The following WDR20 variants were observed in gnomAD, a reference collection of about 807,000 sequenced individuals.
The protein encoded by WDR20 is WD repeat domain 20.
WDR20 carries 3 observed loss-of-function variants against 38.7 expected under a neutral mutation model. That is an observed-to-expected ratio of 0.08 (90% CI 0.04 to 0.20). The LOEUF is 0.20. WDR20 is among the 10% of genes least tolerant of loss of function. The pLI is 1.00. For missense variants in WDR20, 559 were observed against 727.7 expected (o/e 0.77, Z 2.67); for synonymous variants, 298 against 285.6 (o/e 1.04, Z -0.44).
chr14:102,173,847 A>G (rs1034172484), intron 1 of WDR20, among the ~76,000 whole-genome samples: 2 of 152,066 alleles, frequency 1.3e-5, no homozygotes, highest in African/African-American at 4.8e-5. Context: ...GATCGAGACC[A>G]TCCTGGCTAA....
chr14:102,158,213 A>G (rs371919600), intron 1 of WDR20, among the ~76,000 whole-genome samples: 2 of 151,874 alleles, frequency 1.3e-5, no homozygotes, highest in East Asian at 3.9e-4. Context: ...TGCTGCCTAC[A>G]CTCCCCTAAG....
intron 1 of WDR20, among the ~76,000 whole-genome samples, chr14:102,172,808 C>G (rs1247653013): frequency 2.7e-5 from 4 of 150,262 alleles, no homozygotes; most frequent in African/African-American, 4.9e-5. Flanking sequence ...CTCCTCACTT[C>G]TCAGACGGGG....
chr14:102,145,523 C>T lies in WDR20; in HGVS notation c.249+5351C>T, dbSNP rs75978524. On this transcript the variant is annotated intron_variant, in intron 1 of 2. Coordinates refer to ENST00000342702, the MANE Select transcript of WDR20 (RefSeq NM_144574.4). The stretch of plus-strand genomic sequence containing the variant: ...TATAATCCTAACACTTTTGGGAGGC[C>T]AAGGCGGGAGGATTGCAGGGGTCCA... 3.8e-3 allele frequency among the ~76,000 whole-genome samples: 572 copies of T among 152,212 alleles called. 5 individuals are homozygous for T. The highest frequency in any genetic ancestry group is 0.013 in the African/African-American group (533 of 41,532).
rs1408774226 is a variant in WDR20 at position 102,210,520 on chromosome 14, T to C, written c.*640T>C. ...AAAGTTGTTTAATAAACATCTTTTT[T>C]CAAAGAAGCAGTTTGTAGCACTTTG... On this transcript the variant is annotated 3_prime_UTR_variant, in exon 3 of 3. Transcript: ENST00000342702. 10 of 985,444 alleles carry C rather than the reference T, an allele frequency of 1.0e-5. No homozygotes were observed. Among genetic ancestry groups the C allele is most frequent in the Non-Finnish European group, 1.2e-5 (10 of 829,936 alleles). 61.0% of individuals were successfully genotyped at this position (985,444 alleles called of 1,614,324 possible). A position where few individuals can be genotyped will look rare whatever the true frequency, so the allele number is the denominator to read the frequency against.
intron 1 of WDR20, among the ~76,000 whole-genome samples, chr14:102,147,263 C>T (rs1376199037): frequency 2.6e-5 from 4 of 152,132 alleles, no homozygotes; most frequent in Non-Finnish European, 4.4e-5. Context: ...AGTATGGTGG[C>T]GCATGCCTGT....
At chr14:102,158,303 A>AT (rs897850938) in intron 1 of WDR20, among the ~76,000 whole-genome samples, 9 of 148,322 alleles carry the variant, frequency 6.1e-5, no homozygotes, top group East Asian at 5.9e-4. Context: ...CTAGATGACA[A>AT]TTTTTTTTTT....
At chr14:102,219,342 G>C (rs1052970135), downstream of WDR20, among the ~76,000 whole-genome samples, 3 of 152,222 alleles carry the variant, frequency 2.0e-5, no homozygotes, top group Non-Finnish European at 2.9e-5. Flanking sequence ...CCAGTGACTC[G>C]CACAAGTCCT....
chr14:102,221,901 A>G lies in WDR20; in HGVS notation c.1693-929A>G, dbSNP rs557138577. On this transcript the variant is annotated intron_variant, in intron 3 of 3. Coordinates refer to the WDR20 transcript ENST00000335263. This position sits in a 1 kb window ranked among gnomAD's most constrained non-coding sequence, Gnocchi z 4.8. ...TGTATTCCCAGAGCTGAAAATGTGCACCTTTGGGGCTGCACTGTCGCCATC... is the reference window on the plus strand; with the variant it reads ...TGTATTCCCAGAGCTGAAAATGTGCGCCTTTGGGGCTGCACTGTCGCCATC... 1.4e-4 allele frequency among the ~76,000 whole-genome samples: 21 copies of G among 152,250 alleles called. No individual in the cohort carries two copies. In the South Asian group the frequency reaches 4.4e-3, roughly 32 times the overall value.
chr14:102,153,307 C>CTTTTTT (rs57513596), intron 1 of WDR20, among the ~76,000 whole-genome samples: 1 of 128,206 alleles, frequency 7.8e-6, no homozygotes, highest in Non-Finnish European at 1.6e-5. Context: ...AAACCTCTTT[C>CTTTTTT]TTTTTTTTTT....
chr14:102,200,220 C>T (rs1329872976), intron 2 of WDR20, among the ~76,000 whole-genome samples: 1 of 152,252 alleles, frequency 6.6e-6, no homozygotes, highest in African/African-American at 2.4e-5. Flanking sequence ...TCTCTGCTTT[C>T]CCCAATCTTC....
At chr14:102,165,636 CTTT>C (rs398026421) in intron 1 of WDR20, among the ~76,000 whole-genome samples, 3 of 129,374 alleles carry the variant, frequency 2.3e-5, no homozygotes, top group Non-Finnish European at 5.0e-5. Context: ...CTTTTCTTTT[CTTT>C]TTTTTTTTTT....
chr14:102,155,490 G>A (rs1022029982), intron 1 of WDR20, among the ~76,000 whole-genome samples: 2 of 152,258 alleles, frequency 1.3e-5, no homozygotes, highest in South Asian at 2.1e-4. Flanking sequence ...AATTTTCAAA[G>A]GTTGAAGAGA....
chr14:102,212,769 GGAAAATATTTGTA>G, downstream of WDR20: 4 of 1,339,638 alleles, frequency 3.0e-6, no homozygotes, highest in Middle Eastern at 5.1e-4. Context: ...AGAAATTTGG[GGAAAATATTTGTA>G]GTTTTCTCGC....
At chr14:102,166,070 C>T (rs1446345343) in intron 1 of WDR20, among the ~76,000 whole-genome samples, 1 of 152,110 alleles carries the variant, frequency 6.6e-6, no homozygotes, top group African/African-American at 2.4e-5. Flanking sequence ...CGGCTCACTG[C>T]AACCTTCGCC....
chr14:102,214,056 T>C, downstream of WDR20: 1 of 985,604 alleles, frequency 1.0e-6, no homozygotes, highest in Non-Finnish European at 1.2e-6. Context: ...GGGGAGGGAC[T>C]GGCCTCTGAC....
intron 2 of WDR20, among the ~76,000 whole-genome samples, chr14:102,200,467 TTG>T (rs71395660): frequency 0.067 from 7,884 of 117,420 alleles, 314 homozygotes; most frequent in South Asian, 0.14. Flanking sequence ...ATTTTTTTTT[TTG>T]TGTGTGTGTG....
chr14:102,198,343 C>G, intron 2 of WDR20: 1 of 293,152 alleles, frequency 3.4e-6, no homozygotes, highest in Non-Finnish European at 6.9e-6. Context: ...GTCTGGAACT[C>G]CTGGCTTCAA....
chr14:102,143,969 G>T (rs920795904), intron 1 of WDR20, among the ~76,000 whole-genome samples: 1 of 151,572 alleles, frequency 6.6e-6, no homozygotes, highest in Non-Finnish European at 1.5e-5. Context: ...TTGAGCCCAG[G>T]AGTTTGAGAC....
chr14:102,203,717 G>A lies in WDR20; in HGVS notation c.433-4886G>A, dbSNP rs374050046. On this transcript the variant is annotated intron_variant, in intron 2 of 2. Transcript: ENST00000342702. ...CGAAACCCCATCCCTCAGAGGGACC[G>A]GGTATTTTTCAACATCCTCATCCAG... 5.9e-5 allele frequency among the ~76,000 whole-genome samples: 9 copies of A among 152,032 alleles called. No homozygotes were observed. The East Asian group carries it at 1.5e-3, about 26-fold the overall frequency.
Sources: allele counts gnomAD v4.1 joint callset (sites outside exome capture counted in the v4.1 genomes callset), GRCh38; gene constraint gnomAD v4.1.1; non-coding constraint Gnocchi (gnomAD v3.1); transcripts MANE v1.5; gene names NCBI Gene and HGNC (gene_info 2026-07-23, HGNC 2026-07-21).